CTIF: variants seen among roughly 807,000 people sequenced by gnomAD.
CTIF encodes the protein CBP80/20-dependent translation initiation factor.
In CTIF, 21 loss-of-function variants were observed where a neutral mutation model predicts 66.0. The observed-to-expected ratio is 0.32, with a 90% CI of 0.23 to 0.46. The LOEUF (loss-of-function observed/expected upper bound fraction) is 0.46. CTIF is among the 20% of genes least tolerant of loss of function. CTIF has a pLI of 1.00. For missense variants in CTIF, 739 were observed against 812.7 expected (o/e 0.91, Z 1.10); for synonymous variants, 345 against 326.4 (o/e 1.06, Z -0.62).
intron 1 of CTIF, among the ~76,000 whole-genome samples, chr18:48,618,025 G>A (rs1387380671): frequency 6.6e-6 from 1 of 152,206 alleles, no homozygotes; most frequent in African/African-American, 2.4e-5. Flanking sequence ...CCTTCCCCCG[G>A]GCAGTTCTTC....
At chr18:48,769,242 A>C (rs765603450) in intron 9 of CTIF, among the ~76,000 whole-genome samples, 1 of 152,238 alleles carries the variant, frequency 6.6e-6, no homozygotes, top group Non-Finnish European at 1.5e-5. Flanking sequence ...GGATAGAAGC[A>C]CATTGTTCTG....
intron 10 of CTIF, among the ~76,000 whole-genome samples, chr18:48,819,971 G>C (rs1220252213): frequency 6.6e-6 from 1 of 151,740 alleles, no homozygotes; most frequent in Non-Finnish European, 1.5e-5. Flanking sequence ...AACGAGGCCG[G>C]AGGATGGAAG....
chr18:48,694,202 C>CG (rs1180280285), intron 6 of CTIF, among the ~76,000 whole-genome samples: 4 of 152,294 alleles, frequency 2.6e-5, no homozygotes, highest in African/African-American at 4.8e-5. Flanking sequence ...GGCTGTGAGT[C>CG]GGGGGCTTGG....
rs2092471982 is a variant in CTIF at position 48,733,316 on chromosome 18, G to C, written c.584+21621G>C. Among the ~76,000 whole-genome samples, 8 of 152,264 alleles carry C rather than the reference G, an allele frequency of 5.3e-5. No individual in the cohort carries two copies. In the South Asian group the frequency reaches 1.7e-3, roughly 32 times the overall value. On this transcript the variant is annotated intron_variant, in intron 7 of 11. Coordinates refer to ENST00000256413, the MANE Select transcript of CTIF (RefSeq NM_014772.3). ...GATCAAGCTGAGTCCTCTAATGATG[G>C]TGCTGGGCCCCTGCCTGTCTCTTCT... is the stretch of plus-strand genomic sequence containing the variant.
chr18:48,587,951 G>A (rs902652624), intron 1 of CTIF, among the ~76,000 whole-genome samples: 7 of 152,216 alleles, frequency 4.6e-5, no homozygotes, highest in African/African-American at 1.7e-4. Flanking sequence ...GGGGTCTGTG[G>A]AGTCACTGAG....
chr18:48,814,892 A>G (rs780993977), intron 9 of CTIF, among the ~76,000 whole-genome samples: 2 of 152,188 alleles, frequency 1.3e-5, no homozygotes, highest in Non-Finnish European at 2.9e-5. Flanking sequence ...CTACAATCAT[A>G]CCCAGGTGGA....
In CTIF at chr18:48,830,058, C is replaced by T. The variant is rs566292540; in HGVS notation, c.1527+12682C>T. 1.3e-4 allele frequency among the ~76,000 whole-genome samples: 20 copies of T among 152,296 alleles called. 1 individual carries two copies. Among genetic ancestry groups the T allele is most frequent in the Middle Eastern group, 3.4e-3 (1 of 294 alleles). ...CTCCAGGATCAGCCTTCTCTTGTAG[C>T]CAGGAAGAGGAGGGGAATGCTAGGG... On this transcript the variant is annotated intron_variant, in intron 10 of 11. Transcript: ENST00000256413.
chr18:48,588,524 G>A (rs1438007824), intron 1 of CTIF, among the ~76,000 whole-genome samples: 1 of 152,192 alleles, frequency 6.6e-6, no homozygotes, highest in Admixed American at 6.5e-5. Context: ...CACAGTCCCT[G>A]TCTGGCTTTC....
chr18:48,712,785 C>T (rs1319099797), intron 7 of CTIF, among the ~76,000 whole-genome samples: 1 of 152,242 alleles, frequency 6.6e-6, no homozygotes, highest in Non-Finnish European at 1.5e-5. Context: ...CCTACGCATG[C>T]ACACCCTGAA....
intron 3 of CTIF, among the ~76,000 whole-genome samples, chr18:48,652,481 G>A (rs1041772640): frequency 5.9e-5 from 9 of 152,310 alleles, no homozygotes; most frequent in Admixed American, 1.3e-4. Flanking sequence ...CTCAAATTGA[G>A]GCAATAATGA....
intron 1 of CTIF, among the ~76,000 whole-genome samples, chr18:48,557,302 A>G (rs923134866): frequency 1.3e-5 from 2 of 152,232 alleles, no homozygotes; most frequent in Non-Finnish European, 2.9e-5. Context: ...CAGGCTGGTC[A>G]TGAACCATTT....
In CTIF at chr18:48,582,296, G is replaced by A. The variant is rs536290159; in HGVS notation, c.-28-37242G>A. On this transcript the variant is annotated intron_variant, in intron 1 of 11. Transcript: ENST00000256413. ...GCTGGCTTCCATGGGGCAGGGCAGG[G>A]AGGTCATGGACCACGCATGGTGTGG... Among the ~76,000 whole-genome samples, 97 of 152,258 alleles carry A rather than the reference G, an allele frequency of 6.4e-4. 3 individuals are homozygous for A. In the South Asian group the frequency reaches 0.019, roughly 30 times the overall value.
At chr18:48,747,462 A>C (rs895283709) in intron 7 of CTIF, among the ~76,000 whole-genome samples, 17 of 152,214 alleles carry the variant, frequency 1.1e-4, no homozygotes, top group African/African-American at 3.9e-4. Context: ...GTGGCGGCCC[A>C]CATGCAGCTC....
At chr18:48,672,092 C>G (rs1392268143) in intron 6 of CTIF, among the ~76,000 whole-genome samples, 1 of 145,918 alleles carries the variant, frequency 6.9e-6, no homozygotes, top group African/African-American at 2.6e-5. Flanking sequence ...CCTGGCTTGA[C>G]TGCTCCTTGG....
chr18:48,731,908 T>C (rs2092459683), intron 7 of CTIF, among the ~76,000 whole-genome samples: 1 of 152,214 alleles, frequency 6.6e-6, no homozygotes, highest in Non-Finnish European at 1.5e-5. Flanking sequence ...AGCTCTGCCA[T>C]TGTAGCACAG....
chr18:48,549,953 A>G (rs1191305618), intron 1 of CTIF, among the ~76,000 whole-genome samples: 3 of 151,736 alleles, frequency 2.0e-5, no homozygotes, highest in African/African-American at 7.3e-5. Flanking sequence ...ACTTTTTTTT[A>G]TATCTCAATA....
chr18:48,772,487 A>C (rs1419454137), intron 9 of CTIF, among the ~76,000 whole-genome samples: 1 of 151,494 alleles, frequency 6.6e-6, no homozygotes, highest in African/African-American at 2.4e-5. Context: ...CCCCTACAGC[A>C]ATAACTCCCC....
chr18:48,737,763 T>C (rs185619122), intron 7 of CTIF, among the ~76,000 whole-genome samples: 114 of 152,390 alleles, frequency 7.5e-4, no homozygotes, highest in African/African-American at 2.4e-3. Flanking sequence ...TGGTTATTTA[T>C]GGGACACAGG....
intron 7 of CTIF, among the ~76,000 whole-genome samples, chr18:48,753,284 G>A (rs1908014250): frequency 6.6e-6 from 1 of 152,164 alleles, no homozygotes; most frequent in Non-Finnish European, 1.5e-5. Context: ...TAAAATGTCC[G>A]ACATGGAGAG....
Sources: allele counts gnomAD v4.1 joint callset (sites outside exome capture counted in the v4.1 genomes callset), GRCh38; gene constraint gnomAD v4.1.1; transcripts MANE v1.5; gene names NCBI Gene and HGNC (gene_info 2026-07-23, HGNC 2026-07-21).